ARHGAP6: variants seen among roughly 807,000 people sequenced by gnomAD.
ARHGAP6 encodes the protein Rho GTPase activating protein 6.
A neutral mutation model predicts 55.7 loss-of-function variants in ARHGAP6; 16 were observed. The ratio of observed to expected loss-of-function variants is 0.29; its 90% confidence interval spans 0.19 to 0.44. The LOEUF is 0.44. Among genes scored for constraint, ARHGAP6 ranks in the 20% least tolerant of loss-of-function variants. ARHGAP6 has a pLI of 1.00. For synonymous variants in ARHGAP6, 382 were observed against 360.9 expected (o/e 1.06, Z -0.66); for missense variants, 698 against 808.9 (o/e 0.86, Z 1.66).
intron 1 of ARHGAP6, chrX:11,296,863 C>A: frequency 1.7e-6 from 2 of 1,179,491 alleles, no homozygotes; most frequent in Non-Finnish European, 2.3e-6. Flanking sequence ...CCATTGTTTG[C>A]GTTAACAATG....
intron 1 of ARHGAP6, among the ~76,000 whole-genome samples, chrX:11,371,427 A>G (rs1380922463): frequency 1.8e-5 from 2 of 112,364 alleles, no homozygotes; most frequent in Non-Finnish European, 3.8e-5. Context: ...TAAAATATTT[A>G]CTATCTGGTC....
intron 2 of ARHGAP6, among the ~76,000 whole-genome samples, chrX:11,212,105 A>G (rs1364430294): frequency 9.0e-6 from 1 of 111,416 alleles, no homozygotes; most frequent in Non-Finnish European, 1.9e-5. Flanking sequence ...TTTGTTCTAA[A>G]CCTCATCCGT....
intron 1 of ARHGAP6, among the ~76,000 whole-genome samples, chrX:11,458,077 T>TA (rs759201613): frequency 1.8e-5 from 2 of 112,068 alleles, no homozygotes; most frequent in Non-Finnish European, 3.8e-5. Flanking sequence ...AGACACAGCC[T>TA]AAAAAAATGG....
chrX:11,404,791 G>T (rs745923675), intron 1 of ARHGAP6, among the ~76,000 whole-genome samples: 3 of 111,910 alleles, frequency 2.7e-5, no homozygotes, highest in Non-Finnish European at 3.8e-5. Context: ...ATGTAGGAAC[G>T]AGTAATTCTA....
intron 2 of ARHGAP6, among the ~76,000 whole-genome samples, chrX:11,228,220 T>C (rs868113452): frequency 8.9e-6 from 1 of 112,091 alleles, no homozygotes; most frequent in Middle Eastern, 4.7e-3. Context: ...TGACAGTCTT[T>C]TTCTGTCTTT....
chrX:11,524,434 G>T (rs1316725206), intron 1 of ARHGAP6, among the ~76,000 whole-genome samples: 1 of 112,132 alleles, frequency 8.9e-6, no homozygotes, highest in African/African-American at 3.2e-5. Context: ...TCCTCTCACA[G>T]AGCAGAGCTG....
At chrX:11,510,823 T>G (rs142490907) in intron 1 of ARHGAP6, among the ~76,000 whole-genome samples, 8,297 of 111,614 alleles carry the variant, frequency 0.074, 372 homozygotes, top group East Asian at 0.18. Flanking sequence ...TTGTGGCACC[T>G]AAAAAATTTT....
rs151076605 is a variant in ARHGAP6 at position 11,212,317 on chromosome X, T to C, written c.749-15321A>G. 1.3e-3 allele frequency among the ~76,000 whole-genome samples: 143 copies of C among 111,909 alleles called. No homozygotes were observed. The East Asian group carries it at 0.033, about 26-fold the overall frequency. ...CTGGTAAGTAAGGCTAATAATTTTCTATGTTTCTAATTGGGGAGAAGTTTC... is the reference window on the plus strand; with the variant it reads ...CTGGTAAGTAAGGCTAATAATTTTCCATGTTTCTAATTGGGGAGAAGTTTC... On this transcript the variant is annotated intron_variant, in intron 2 of 12. Transcript: ENST00000337414.
chrX:11,157,373 C>G (rs1012238018), intron 9 of ARHGAP6, among the ~76,000 whole-genome samples: 9 of 112,370 alleles, frequency 8.0e-5, no homozygotes, highest in African/African-American at 2.9e-4. Flanking sequence ...TCCTTTCTTG[C>G]ACCTGGTCCA....
rs139414881 is a variant in ARHGAP6, at chrX:11,473,807, G to T, written c.588+190434C>A. On this transcript the variant is annotated intron_variant, in intron 1 of 12. Transcript: ENST00000337414. ...ATTTAGACAGTTTGGGCCAAAAAAAGTACATTTTAAGTACATGTGAATTTC... is the reference window on the plus strand; with the variant it reads ...ATTTAGACAGTTTGGGCCAAAAAAATTACATTTTAAGTACATGTGAATTTC... Among the ~76,000 whole-genome samples the T allele has an allele frequency of 3.6e-4, 40 of 112,019 alleles. 1 individual carries two copies. In the East Asian group the frequency reaches 9.3e-3, roughly 26 times the overall value.
chrX:11,664,781 G>C lies in ARHGAP6; in HGVS notation c.48C>G (p.Pro16=). The change falls in exon 1 of 13, where the codon CCC becomes CCG. Residue 16 remains proline (P), a synonymous_variant. Transcript: ENST00000337414. The part of the protein sequence containing the change: ...LLHSVFSCSS[P]ASSSAASAKG... ...TGGCCGAGGCCGCGCTACTTGAAGC[G>C]GGCGAGGAACAGGAGAAGACGCTGT... is the stretch of plus-strand genomic sequence containing the variant. 8.3e-7 allele frequency: 1 copy of C among 1,203,536 alleles called. No homozygotes were observed. The highest frequency in any genetic ancestry group is 1.8e-5 in the South Asian group (1 of 55,203).
At chrX:11,182,150 G>C in intron 5 of ARHGAP6, 32 bp from the exon 6 acceptor site, 4 of 1,159,319 alleles carry the variant, frequency 3.5e-6, no homozygotes, top group Non-Finnish European at 4.7e-6. Flanking sequence ...GAACAGTCTT[G>C]TTTCATGGCT....
intron 1 of ARHGAP6, among the ~76,000 whole-genome samples, chrX:11,279,314 G>A (rs2047821047): frequency 8.9e-6 from 1 of 111,881 alleles, no homozygotes. Flanking sequence ...TAAGATAAAA[G>A]CATTCAACAC....
intron 1 of ARHGAP6, among the ~76,000 whole-genome samples, chrX:11,271,535 G>C (rs1052953808): frequency 1.8e-5 from 2 of 111,685 alleles, no homozygotes; most frequent in African/African-American, 6.5e-5. Context: ...AAAATTACAT[G>C]CGACTTCATA....
chrX:11,329,610 A>G (rs1345941009), intron 1 of ARHGAP6, among the ~76,000 whole-genome samples: 1 of 112,576 alleles, frequency 8.9e-6, no homozygotes, highest in African/African-American at 3.2e-5. Flanking sequence ...ATATCCTGAG[A>G]AAACTGTCAT....
At position 11,386,271 on chromosome X, in the gene ARHGAP6, T is replaced by C. The variant is rs574907026; in HGVS notation, c.589-131564A>G. The stretch of plus-strand genomic sequence containing the variant: ...TAAGTTTTAGCAATGGGGCAATTTA[T>C]GATTTATTTTAGAAGAACTAACTGA... On this transcript the variant is annotated intron_variant, in intron 1 of 12. Coordinates refer to ENST00000337414, the MANE Select transcript of ARHGAP6 (RefSeq NM_013427.3). 1.3e-4 allele frequency among the ~76,000 whole-genome samples: 15 copies of C among 113,300 alleles called. No homozygotes were observed. In the South Asian group the frequency reaches 5.0e-3, roughly 38 times the overall value.
chrX:11,154,294 T>C (rs1386504434), intron 10 of ARHGAP6, among the ~76,000 whole-genome samples: 1 of 111,858 alleles, frequency 8.9e-6, no homozygotes, highest in Non-Finnish European at 1.9e-5. Flanking sequence ...TGGTCTAGGG[T>C]CTGCTCACCT....
intron 1 of ARHGAP6, among the ~76,000 whole-genome samples, chrX:11,587,111 T>C (rs1232749364): frequency 1.8e-5 from 2 of 111,742 alleles, no homozygotes; most frequent in Non-Finnish European, 3.8e-5. Flanking sequence ...GATCATGCTG[T>C]CTACAAACAG....
intron 1 of ARHGAP6, among the ~76,000 whole-genome samples, chrX:11,384,659 TCTCAAC>T (rs1395988096): frequency 1.8e-5 from 2 of 111,968 alleles, no homozygotes; most frequent in Non-Finnish European, 3.8e-5. Context: ...GAATGATGGT[TCTCAAC>T]CTTGGCTACA....
Sources: gnomAD v4.1 joint callset for allele counts (sites outside exome capture counted in the v4.1 genomes callset) on GRCh38, gnomAD v4.1.1 for gene constraint, MANE v1.5 for transcripts, NCBI Gene and HGNC (gene_info 2026-07-23, HGNC 2026-07-21) for gene names.